The following COL4A6 variants were observed in gnomAD, a reference collection of about 807,000 sequenced individuals.
COL4A6 encodes the protein collagen alpha-6(IV) chain.
COL4A6 carries 59 observed loss-of-function variants against 126.7 expected under a neutral mutation model. That is an observed-to-expected ratio of 0.47 (90% CI 0.38 to 0.58). The LOEUF (loss-of-function observed/expected upper bound fraction) is 0.58, where lower values mean the gene tolerates loss of function less well. Among genes scored for constraint, COL4A6 ranks in the 20% least tolerant of loss-of-function variants. COL4A6 has a pLI of 0.00. For synonymous variants in COL4A6, 547 were observed against 496.6 expected, an observed-to-expected ratio of 1.10 and a Z score of -1.35; for missense variants, 1,285 against 1,337.3, an observed-to-expected ratio of 0.96 and a Z score of 0.61.
At chrX:108,284,846 C>T (rs1040218407) in intron 3 of COL4A6, among the ~76,000 whole-genome samples, 10 of 112,131 alleles carry the variant, frequency 8.9e-5, no homozygotes, top group African/African-American at 3.2e-4. Context: ...AAGCTTCAAA[C>T]GTGCCTCCAT....
rs772716977 is a variant in COL4A6, at chrX:108,180,939, A to G, written c.1981T>C (p.Ser661Pro). 7.1e-5 allele frequency: 86 copies of G among 1,209,251 alleles called. 1 individual carries two copies. The highest frequency in any genetic ancestry group is 2.3e-4 in the Middle Eastern group (1 of 4,371). ...GITLPCIIPG[S>P]YGPSGFPGTP... ...CCTGGAAATCCTGATGGACCGTATGACCCAGGAATAATACAGGGCAGGGTG... is the reference window on the plus strand; with the variant it reads ...CCTGGAAATCCTGATGGACCGTATGGCCCAGGAATAATACAGGGCAGGGTG... Residue 661 changes from serine (S) to proline (P), a missense_variant, in exon 24 of 45, where the codon TCA becomes CCA. Transcript: ENST00000334504.
chrX:108,356,351 A>T (rs1289218390), intron 2 of COL4A6, among the ~76,000 whole-genome samples: 3 of 111,012 alleles, frequency 2.7e-5, no homozygotes, highest in Non-Finnish European at 3.8e-5. Flanking sequence ...TAAAATAAAA[A>T]AAAGAAAGTC....
rs182398399 is a variant in COL4A6 at position 108,350,787 on chromosome X, G to A, written c.64-39959C>T. Among the ~76,000 whole-genome samples, 7 of 110,122 alleles carry A rather than the reference G, an allele frequency of 6.4e-5. No homozygotes were observed. In the East Asian group the frequency reaches 2.0e-3, roughly 32 times the overall value. On this transcript the variant is annotated intron_variant, in intron 2 of 44. Coordinates refer to ENST00000334504, the MANE Select transcript of COL4A6 (RefSeq NM_033641.4). ...TCTGTAATTGATTTTTTTTTTGAAA[G>A]AGTGGTTCCTGAAAAATAAATGATG...
At chrX:108,162,366 TA>T (rs1330981504) in intron 41 of COL4A6, among the ~76,000 whole-genome samples, 1 of 68,812 alleles carries the variant, frequency 1.5e-5, no homozygotes, top group Non-Finnish European at 3.0e-5. Context: ...TAAAAAAAAA[TA>T]AAAAGAAGAA....
At chrX:108,262,675 A>G (rs2037197208) in intron 3 of COL4A6, among the ~76,000 whole-genome samples, 1 of 111,489 alleles carries the variant, frequency 9.0e-6, no homozygotes, top group South Asian at 3.8e-4. Flanking sequence ...GCAAATAAAC[A>G]TACAGGCAAA....
At chrX:108,429,410 T>A (rs1023081738) in intron 2 of COL4A6, among the ~76,000 whole-genome samples, 1 of 112,088 alleles carries the variant, frequency 8.9e-6, no homozygotes, top group African/African-American at 3.2e-5. Context: ...GCATGAGGGA[T>A]CCTTGTTGAC....
intron 2 of COL4A6, among the ~76,000 whole-genome samples, chrX:108,318,576 A>G (rs1938477366): frequency 9.0e-6 from 1 of 111,455 alleles, no homozygotes; most frequent in South Asian, 3.8e-4. Flanking sequence ...CTTATACACC[A>G]ATAACAGACA....
intron 2 of COL4A6, among the ~76,000 whole-genome samples, chrX:108,391,140 G>T (rs745353967): frequency 9.0e-6 from 1 of 111,310 alleles, no homozygotes; most frequent in African/African-American, 3.3e-5. Context: ...TGCCCCTACT[G>T]GTAGGTGTCT....
chrX:108,385,881 C>T (rs137989749), intron 2 of COL4A6, among the ~76,000 whole-genome samples: 6 of 108,763 alleles, frequency 5.5e-5, no homozygotes, highest in Admixed American at 2.0e-4. Context: ...CCCTACCCCC[C>T]CAAAAGGCCC....
At chrX:108,171,539 A>T (rs2034303871) in intron 32 of COL4A6, 78 bp from the exon 33 acceptor site, 1 of 810,771 alleles carries the variant, frequency 1.2e-6, no homozygotes, top group Non-Finnish European at 1.8e-6. Flanking sequence ...TTTTGAACAC[A>T]TTTTTTTTTT....
intron 2 of COL4A6, among the ~76,000 whole-genome samples, chrX:108,387,920 C>T (rs915730657): frequency 1.3e-4 from 15 of 111,601 alleles, no homozygotes; most frequent in Non-Finnish European, 5.6e-5. Context: ...GAGTTTTTAG[C>T]GTGAAGGGCT....
chrX:108,188,041 G>T lies in COL4A6; in HGVS notation c.1588-14C>A. The T allele has an allele frequency of 8.5e-7, 1 of 1,172,708 alleles. No individual in the cohort carries two copies. The highest frequency in any genetic ancestry group is 1.2e-6 in the Non-Finnish European group (1 of 868,052). On this transcript the variant is annotated splice_polypyrimidine_tract_variant and intron_variant, in intron 21 of 44. Coordinates refer to ENST00000334504, the MANE Select transcript of COL4A6 (RefSeq NM_033641.4). The stretch of plus-strand genomic sequence containing the variant: ...CCCAACTAAGCCCTGACAAAGAAAA[G>T]AGAGAAGAGGGAGTAGTCAGAAGAT...
intron 3 of COL4A6, among the ~76,000 whole-genome samples, chrX:108,227,669 C>T (rs983664403): frequency 1.8e-5 from 2 of 111,332 alleles, no homozygotes; most frequent in African/African-American, 6.6e-5. Flanking sequence ...GTTGTGGAAA[C>T]CAAGGATATA....
At chrX:108,267,087 A>G (rs1162299622) in intron 3 of COL4A6, among the ~76,000 whole-genome samples, 1 of 111,978 alleles carries the variant, frequency 8.9e-6, no homozygotes, top group Admixed American at 9.5e-5. Context: ...CCTAGGGGGA[A>G]ATCCATTCCT....
chrX:108,282,633 C>A (rs2037874809), intron 3 of COL4A6, among the ~76,000 whole-genome samples: 1 of 109,621 alleles, frequency 9.1e-6, no homozygotes, highest in African/African-American at 3.3e-5. Flanking sequence ...TTGACCCAGC[C>A]ATCCCATTAC....
Position 108,250,353 on chromosome X carries a change from T to C in COL4A6, c.145-28979A>G, listed in dbSNP as rs370526243. On this transcript the variant is annotated intron_variant, in intron 3 of 44. Transcript: ENST00000334504. Reference sequence around the variant, plus strand: ...TTTAAAACTTCCCTCCACTACAAAGTGGCGAATGAGCATCGGGCAAACATC... The same window carrying C: ...TTTAAAACTTCCCTCCACTACAAAGCGGCGAATGAGCATCGGGCAAACATC... 1.5e-4 allele frequency among the ~76,000 whole-genome samples: 17 copies of C among 110,438 alleles called. No individual in the cohort carries two copies. The South Asian group carries it at 1.6e-3, about 11-fold the overall frequency.
intron 2 of COL4A6, among the ~76,000 whole-genome samples, chrX:108,385,732 T>C (rs1179612132): frequency 9.0e-6 from 1 of 111,668 alleles, no homozygotes; most frequent in Non-Finnish European, 1.9e-5. Flanking sequence ...TTTTTTTAAA[T>C]TATACTTTAA....
At chrX:108,354,828 CTT>C (rs1187875956) in intron 2 of COL4A6, among the ~76,000 whole-genome samples, 5 of 110,788 alleles carry the variant, frequency 4.5e-5, no homozygotes, top group Non-Finnish European at 9.4e-5. Context: ...ACAATGGTCT[CTT>C]TGAGAAGTAT....
At chrX:108,265,468 A>G (rs1187873837) in intron 3 of COL4A6, among the ~76,000 whole-genome samples, 1 of 110,390 alleles carries the variant, frequency 9.1e-6, no homozygotes, top group African/African-American at 3.3e-5. Context: ...ATTAAGTACT[A>G]CAAATAAATG....
Sources: allele counts gnomAD v4.1 joint callset (sites outside exome capture counted in the v4.1 genomes callset), GRCh38; gene constraint gnomAD v4.1.1; transcripts MANE v1.5; gene names NCBI Gene and HGNC (gene_info 2026-07-23, HGNC 2026-07-21).